Variants in PKD1L1 observed in about 807,000 individuals in gnomAD.
The protein encoded by PKD1L1 is polycystin-1-like protein 1.
PKD1L1 carries 236 observed loss-of-function variants against 323.4 expected under a neutral mutation model. That is an observed-to-expected ratio of 0.73 (90% CI 0.66 to 0.81). PKD1L1 has a LOEUF of 0.81. PKD1L1 is among the 40% of genes least tolerant of loss of function. The probability of loss-of-function intolerance (pLI) is 0.00; values close to 1 mark genes in which losing one functional copy is unlikely to be tolerated. For synonymous variants in PKD1L1, 1,344 were observed against 1,335.0 expected (o/e 1.01, Z -0.15); for missense variants, 3,320 against 3,508.0 (o/e 0.95, Z 1.35).
chr7:47,875,831 T>A (rs56967966), intron 23 of PKD1L1, among the ~76,000 whole-genome samples: 3,282 of 152,286 alleles, frequency 0.022, 116 homozygotes, highest in African/African-American at 0.075. Flanking sequence ...AATATTTAAT[T>A]TATATATGAA....
chr7:47,809,457 AC>A lies in PKD1L1; in HGVS notation c.7686+15del. 6.6e-7 allele frequency: 1 copy of A among 1,517,136 alleles called. No individual in the cohort carries two copies. The highest frequency in any genetic ancestry group is 9.0e-7 in the Non-Finnish European group (1 of 1,116,086). 94.0% of individuals were successfully genotyped at this position (1,517,136 alleles called of 1,614,324 possible). On this transcript the variant is annotated intron_variant, in intron 51 of 56. Coordinates refer to ENST00000289672, the MANE Select transcript of PKD1L1 (RefSeq NM_138295.5). ...TATTGTTATTTTTCAAAAGAAAATG[AC>A]ACAAGAGAGGCTACCTCCAGCCAGT...
intron 52 of PKD1L1, among the ~76,000 whole-genome samples, chr7:47,804,526 G>C (rs1309910539): frequency 1.4e-5 from 2 of 143,252 alleles, no homozygotes; most frequent in East Asian, 4.2e-4. Flanking sequence ...GGCTTGAGTG[G>C]CAGGATCTCG....
intron 4 of PKD1L1, among the ~76,000 whole-genome samples, chr7:47,935,714 C>T (rs1340619024): frequency 1.3e-5 from 2 of 152,098 alleles, no homozygotes; most frequent in East Asian, 3.9e-4. Flanking sequence ...TGGTGCCAGC[C>T]ACATGCTCTG....
chr7:47,938,362 G>A (rs1295164795), intron 3 of PKD1L1, among the ~76,000 whole-genome samples: 1 of 152,154 alleles, frequency 6.6e-6, no homozygotes, highest in Non-Finnish European at 1.5e-5. Flanking sequence ...TCTGTGACGA[G>A]AACAGGGAAC....
intron 45 of PKD1L1, 37 bp from the exon 46 acceptor site, chr7:47,821,223 C>G: frequency 7.7e-6 from 10 of 1,295,904 alleles, no homozygotes; most frequent in Non-Finnish European, 1.1e-5. Flanking sequence ...TCCATACAGA[C>G]CCTGTATGTA....
rs573320853 is a variant in PKD1L1, at chr7:47,843,468, G to A, written c.5238-299C>T. ...CTGAGGAACTTTCATTGTGAACTAT[G>A]GCTAAGAATGCCAGTCTCGCTGCTA... On this transcript the variant is annotated intron_variant, in intron 33 of 56. Coordinates refer to ENST00000289672, the MANE Select transcript of PKD1L1 (RefSeq NM_138295.5). Among the ~76,000 whole-genome samples the A allele has an allele frequency of 1.8e-3, 269 of 152,260 alleles. 1 individual carries two copies. The highest frequency in any genetic ancestry group is 6.1e-3 in the African/African-American group (254 of 41,546).
rs144114173 is a variant in PKD1L1, at chr7:47,833,183, C to A, written c.6244G>T (p.Ala2082Ser). 66 of 1,612,936 alleles carry A rather than the reference C, an allele frequency of 4.1e-5. No individual in the cohort carries two copies. The African/African-American group carries it at 8.0e-4, about 20-fold the overall frequency. The change falls in exon 41 of 57, where the codon GCT (alanine) becomes TCT (serine). Residue 2082 changes from alanine to serine, a missense_variant. By Grantham distance (99) the Ala-to-Ser change is moderately conservative (BLOSUM62 1). Coordinates refer to ENST00000289672, the MANE Select transcript of PKD1L1 (RefSeq NM_138295.5). ...ACCTGCAGCTTAGGGGCTGGACAAG[C>A]TGTGCCATTGTCACTTGCCGCCTTC... ...QRKAASDNGT[A>S]CPAPKLQVHG... is the part of the protein sequence containing the mutation.
intron 19 of PKD1L1, among the ~76,000 whole-genome samples, chr7:47,883,064 C>G (rs193126112): frequency 6.6e-6 from 1 of 151,732 alleles, no homozygotes; most frequent in East Asian, 1.9e-4. Flanking sequence ...AAATGCAATA[C>G]AAAGGCAGAT....
chr7:47,820,027 A>G (rs1785107481), intron 46 of PKD1L1, among the ~76,000 whole-genome samples: 1 of 152,254 alleles, frequency 6.6e-6, no homozygotes, highest in African/African-American at 2.4e-5. Context: ...TGTATTTACC[A>G]GCATTGAAAT....
At position 47,864,576 on chromosome 7, in the gene PKD1L1, T is replaced by TTTTCTTTCTTTCTTTCTTTC. The variant is rs199500886; in HGVS notation, c.4149+620_4149+639dup. Among the ~76,000 whole-genome samples the TTTTCTTTCTTTCTTTCTTTC allele has an allele frequency of 2.0e-3, 212 of 107,626 alleles. 5 individuals are homozygous for TTTTCTTTCTTTCTTTCTTTC. Among genetic ancestry groups the TTTTCTTTCTTTCTTTCTTTC allele is most frequent in the East Asian group, 4.7e-3 (16 of 3,378 alleles). 70.6% of individuals were successfully genotyped at this position (107,626 alleles called of 152,430 possible). Reference sequence around the variant, plus strand: ...TCTTCCTTCTTTTTCTTTTTCTTTCTTTTCTTTCTTTCTTTCTTTCTTTCT... The same window carrying TTTTCTTTCTTTCTTTCTTTC: ...TCTTCCTTCTTTTTCTTTTTCTTTCTTTTCTTTCTTTCTTTCTTTCTTTCTTTCTTTCTTTCTTTCTTTCT... On this transcript the variant is annotated intron_variant, in intron 26 of 56. Coordinates refer to ENST00000289672, the MANE Select transcript of PKD1L1 (RefSeq NM_138295.5).
chr7:47,798,178 T>A (rs1447648298), intron 54 of PKD1L1, among the ~76,000 whole-genome samples: 1 of 152,196 alleles, frequency 6.6e-6, no homozygotes, highest in East Asian at 1.9e-4. Flanking sequence ...CATGCTACTT[T>A]AAGATTTGCC....
intron 6 of PKD1L1, among the ~76,000 whole-genome samples, chr7:47,930,220 G>GTT (rs760416371): frequency 6.9e-6 from 1 of 145,514 alleles, no homozygotes; most frequent in Non-Finnish European, 1.5e-5. Context: ...ATGCTCCCAT[G>GTT]TTTTTTTTTT....
At chr7:47,810,163 C>A (rs1459717342) in intron 50 of PKD1L1, among the ~76,000 whole-genome samples, 1 of 152,290 alleles carries the variant, frequency 6.6e-6, no homozygotes, top group Non-Finnish European at 1.5e-5. Flanking sequence ...GGGCTTTATG[C>A]ATCTTCTCTG....
At chr7:47,850,992 G>T (rs1371198134) in intron 31 of PKD1L1, among the ~76,000 whole-genome samples, 1 of 152,142 alleles carries the variant, frequency 6.6e-6, no homozygotes, top group Non-Finnish European at 1.5e-5. Flanking sequence ...TCTCACTGTA[G>T]GAGAATGGGG....
At chr7:47,925,630 C>G (rs114306302) in intron 7 of PKD1L1, among the ~76,000 whole-genome samples, 1 of 152,158 alleles carries the variant, frequency 6.6e-6, no homozygotes, top group Admixed American at 6.5e-5. Flanking sequence ...ACATGCCCCA[C>G]GATACCCTCC....
chr7:47,898,953 G>A (rs928599074), intron 13 of PKD1L1, among the ~76,000 whole-genome samples: 1 of 151,514 alleles, frequency 6.6e-6, no homozygotes, highest in African/African-American at 2.4e-5. Flanking sequence ...AGAACTATGA[G>A]GTTTCCTAAA....
intron 3 of PKD1L1, among the ~76,000 whole-genome samples, chr7:47,937,642 G>A (rs1023299756): frequency 6.6e-6 from 1 of 152,172 alleles, no homozygotes; most frequent in African/African-American, 2.4e-5. Context: ...GGGCTATGAG[G>A]ATGGCAGGTC....
chr7:47,917,635 C>G (rs1280390057), intron 7 of PKD1L1, among the ~76,000 whole-genome samples: 1 of 152,206 alleles, frequency 6.6e-6, no homozygotes, highest in Non-Finnish European at 1.5e-5. Flanking sequence ...GCAGATTTCT[C>G]AGCAGAAACC....
In PKD1L1 at chr7:47,875,490, A is replaced by G. The variant is rs867080684; in HGVS notation, c.3784+607T>C. Among the ~76,000 whole-genome samples, 3 of 152,106 alleles carry G rather than the reference A, an allele frequency of 2.0e-5. No homozygotes were observed. The South Asian group carries it at 6.2e-4, about 32-fold the overall frequency. Reference sequence around the variant, plus strand: ...AAAACAGAAACTTAAAAAGTCACCAACCCCCAAGATTTTTATTTAACCAGC... The same window carrying G: ...AAAACAGAAACTTAAAAAGTCACCAGCCCCCAAGATTTTTATTTAACCAGC... On this transcript the variant is annotated intron_variant, in intron 23 of 56. Transcript: ENST00000289672.
Sources: allele counts gnomAD v4.1 joint callset (sites outside exome capture counted in the v4.1 genomes callset), GRCh38; gene constraint gnomAD v4.1.1; transcripts MANE v1.5; gene names NCBI Gene and HGNC (gene_info 2026-07-23, HGNC 2026-07-21).